Variants in CA10 observed in about 807,000 individuals in gnomAD.
The protein encoded by CA10 is carbonic anhydrase-related protein 10.
In CA10, 14 loss-of-function variants were observed where a neutral mutation model predicts 44.2. The ratio of observed to expected loss-of-function variants is 0.32; its 90% confidence interval spans 0.21 to 0.50. CA10 has a LOEUF of 0.50. CA10 is among the 20% of genes least tolerant of loss of function. The pLI is 0.99. For missense variants in CA10, 350 were observed against 409.7 expected, an observed-to-expected ratio of 0.85 and a Z score of 1.26; for synonymous variants, 159 against 141.6, an observed-to-expected ratio of 1.12 and a Z score of -0.87.
intron 4 of CA10, among the ~76,000 whole-genome samples, chr17:51,699,396 A>G (rs368181708): frequency 7.9e-5 from 12 of 151,496 alleles, no homozygotes; most frequent in African/African-American, 2.4e-4. Context: ...AGGTGGTTTG[A>G]GGAGTCTCCA....
At chr17:51,852,628 G>T (rs1312952851) in intron 3 of CA10, among the ~76,000 whole-genome samples, 1 of 152,156 alleles carries the variant, frequency 6.6e-6, no homozygotes, top group Non-Finnish European at 1.5e-5. Context: ...AAACACTTGG[G>T]CTGTGGAATC....
intron 4 of CA10, among the ~76,000 whole-genome samples, chr17:51,679,290 C>A (rs1286397751): frequency 6.8e-6 from 1 of 147,964 alleles, no homozygotes; most frequent in Admixed American, 6.8e-5. Flanking sequence ...GATGGAGTCT[C>A]GCTCTGTCAC....
At chr17:51,879,412 C>T (rs1980260440) in intron 3 of CA10, among the ~76,000 whole-genome samples, 1 of 152,052 alleles carries the variant, frequency 6.6e-6, no homozygotes, top group South Asian at 2.1e-4. Flanking sequence ...TCTATCTAAC[C>T]CAGAGATTCT....
intron 3 of CA10, among the ~76,000 whole-genome samples, chr17:51,842,492 A>G (rs1978332632): frequency 6.6e-6 from 1 of 152,258 alleles, no homozygotes; most frequent in Non-Finnish European, 1.5e-5. Context: ...ATGTCAGATA[A>G]CTCTGTGTTC....
At chr17:52,008,486 A>G (rs1442010359) in intron 2 of CA10, among the ~76,000 whole-genome samples, 1 of 151,836 alleles carries the variant, frequency 6.6e-6, no homozygotes, top group Non-Finnish European at 1.5e-5. Context: ...AATAATTTAC[A>G]TATTGGTTAA....
chr17:51,958,240 C>T (rs1174846222), intron 2 of CA10, among the ~76,000 whole-genome samples: 1 of 145,320 alleles, frequency 6.9e-6, no homozygotes, highest in Non-Finnish European at 1.5e-5. Flanking sequence ...AAGTATGATT[C>T]TACTGAAAAT....
At chr17:51,831,701 A>AGCGGCGGCAGCGGCAGCGGCG in intron 3 of CA10, among the ~76,000 whole-genome samples, 3 of 84,754 alleles carry the variant, frequency 3.5e-5, no homozygotes, top group Admixed American at 1.2e-4. Context: ...CAGCAGCAGC[A>AGCGGCGGCAGCGGCAGCGGCG]GCAGCAGCAG....
At chr17:52,005,298 G>T (rs1353602183) in intron 2 of CA10, among the ~76,000 whole-genome samples, 1 of 151,896 alleles carries the variant, frequency 6.6e-6, no homozygotes, top group East Asian at 1.9e-4. Flanking sequence ...CATTACTGTT[G>T]TGACATTATT....
intron 4 of CA10, among the ~76,000 whole-genome samples, chr17:51,718,632 A>C (rs1017982458): frequency 2.0e-5 from 3 of 152,276 alleles, no homozygotes; most frequent in South Asian, 2.1e-4. Flanking sequence ...AATTGAACCC[A>C]AAAAAGTGGT....
At chr17:51,932,775 T>TA (rs1264625502) in intron 2 of CA10, among the ~76,000 whole-genome samples, 1 of 152,146 alleles carries the variant, frequency 6.6e-6, no homozygotes, top group Non-Finnish European at 1.5e-5. Flanking sequence ...TTTCTTAAAA[T>TA]ATGTTATCAC....
chr17:52,066,906 G>A (rs776484608), intron 2 of CA10, among the ~76,000 whole-genome samples: 17 of 152,158 alleles, frequency 1.1e-4, no homozygotes, highest in Non-Finnish European at 2.4e-4. Context: ...TGTGACTTGG[G>A]TGCTCTTAAA....
In CA10 at chr17:52,158,288, G is replaced by T. The variant is rs1240197899; in HGVS notation, c.-502C>A. On this transcript the variant is annotated 5_prime_UTR_variant, in exon 1 of 9. Coordinates refer to ENST00000451037, the MANE Select transcript of CA10 (RefSeq NM_020178.5). ...CTCGCTGGCTAAGCCCAGGCAGTCC[G>T]CGGCAAGTTGCCCTCGAAGTCCGCC... The T allele has an allele frequency of 4.9e-6, 1 of 206,078 alleles. No homozygotes were observed. Among genetic ancestry groups the T allele is most frequent in the African/African-American group, 2.4e-5 (1 of 42,484 alleles). The allele number at this position is 206,078 out of a possible 1,614,324, so 12.8% of individuals were successfully genotyped here.
In CA10 at chr17:52,016,922, A is replaced by T. The variant is rs559503593; in HGVS notation, c.136+55397T>A. On this transcript the variant is annotated intron_variant, in intron 2 of 8. Transcript: ENST00000451037. ...AATGAGGCTCCATCTCAAAATAAAT[A>T]AATTAATTAAAATAAAATAACCTGG... Among the ~76,000 whole-genome samples the T allele has an allele frequency of 1.8e-4, 28 of 152,020 alleles. 1 individual carries two copies. Among genetic ancestry groups the T allele is most frequent in the Non-Finnish European group, 2.9e-4 (20 of 67,998 alleles).
At chr17:51,862,890 T>G (rs1288220398) in intron 3 of CA10, among the ~76,000 whole-genome samples, 1 of 152,096 alleles carries the variant, frequency 6.6e-6, no homozygotes, top group African/African-American at 2.4e-5. Context: ...CCTCACAACC[T>G]CATCTAACCC....
At chr17:52,114,665 G>C (rs557149867) in intron 1 of CA10, among the ~76,000 whole-genome samples, 11 of 152,246 alleles carry the variant, frequency 7.2e-5, no homozygotes, top group African/African-American at 1.4e-4. Flanking sequence ...GACCAACACT[G>C]GTCCTACAAA....
intron 3 of CA10, among the ~76,000 whole-genome samples, chr17:51,860,941 T>G (rs1191834657): frequency 1.3e-5 from 2 of 152,172 alleles, no homozygotes; most frequent in African/African-American, 4.8e-5. Flanking sequence ...TGGGCTGTAT[T>G]GCGCTGACCT....
chr17:51,803,870 GATA>G (rs1229811611), intron 3 of CA10, among the ~76,000 whole-genome samples: 1 of 152,240 alleles, frequency 6.6e-6, no homozygotes, highest in African/African-American at 2.4e-5. Flanking sequence ...GCAAAGCAAT[GATA>G]ATCAAAGAGT....
intron 3 of CA10, among the ~76,000 whole-genome samples, chr17:51,796,902 T>C (rs1268178491): frequency 6.6e-6 from 1 of 152,134 alleles, no homozygotes; most frequent in Non-Finnish European, 1.5e-5. Flanking sequence ...CTATAAACTA[T>C]AGAATAGGTG....
At chr17:51,912,775 ATCATATTCTACCGAACTT>A (rs1981841784) in intron 3 of CA10, among the ~76,000 whole-genome samples, 1 of 152,226 alleles carries the variant, frequency 6.6e-6, no homozygotes, top group Non-Finnish European at 1.5e-5. Flanking sequence ...AAGCAACACT[ATCATATTCTACCGAACTT>A]TCATATACTC....
Sources: gnomAD v4.1 joint callset for allele counts (sites outside exome capture counted in the v4.1 genomes callset) on GRCh38, gnomAD v4.1.1 for gene constraint, MANE v1.5 for transcripts, NCBI Gene and HGNC (gene_info 2026-07-23, HGNC 2026-07-21) for gene names.